Variants in ZBTB4 observed in about 807,000 individuals in gnomAD.
The protein encoded by ZBTB4 is zinc finger and BTB domain-containing protein 4.
A neutral mutation model predicts 59.8 loss-of-function variants in ZBTB4; 14 were observed. The observed-to-expected ratio is 0.23, with a 90% CI of 0.15 to 0.37. The LOEUF is 0.37. ZBTB4 is among the 10% of genes least tolerant of loss of function. The pLI is 1.00. For synonymous variants in ZBTB4, 587 were observed against 575.2 expected (o/e 1.02, Z -0.29); for missense variants, 1,198 against 1,380.8 (o/e 0.87, Z 2.10).
upstream of ZBTB4, chr17:7,483,019 C>T (rs372053590): frequency 4.0e-5 from 65 of 1,611,710 alleles, 1 homozygote; most frequent in South Asian, 5.3e-4. Flanking sequence ...CTTGGGAGCC[C>T]GGGGGTTGGG....
rs762883050 is a variant in ZBTB4 at position 7,463,645 on chromosome 17, G to C, written c.1337C>G (p.Pro446Arg). The C allele has an allele frequency of 6.2e-7, 1 of 1,612,188 alleles. No individual in the cohort carries two copies. Among genetic ancestry groups the C allele is most frequent in the Non-Finnish European group, 8.5e-7 (1 of 1,179,186 alleles). Residue 446 changes from proline to arginine, a missense_variant, in exon 4 of 4, where the codon CCG (proline) becomes CGG (arginine). Pro to Arg is a moderately radical substitution (Grantham distance 103, BLOSUM62 -2). Around this residue, in one of 9 missense-constraint regions of ZBTB4, gnomAD observed 550 missense variants for 541.8 expected, o/e 1.02. Coordinates refer to ENST00000380599, the MANE Select transcript of ZBTB4 (RefSeq NM_001128833.2). ...EAPLSPTLNT[P>R]APVAMPASPP... The stretch of plus-strand genomic sequence containing the variant: ...GCTGGCTGGCATTGCCACAGGGGCC[G>C]GTGTGTTGAGGGTTGGAGAAAGGGG...
Position 7,463,400 on chromosome 17 carries a change from CAG to C in ZBTB4, c.1580_1581del (p.Pro527ArgfsTer95). The C allele has an allele frequency of 6.3e-7, 1 of 1,588,296 alleles. No individual in the cohort carries two copies. The highest frequency in any genetic ancestry group is 8.6e-7 in the Non-Finnish European group (1 of 1,167,608). On this transcript the variant is annotated frameshift_variant, in exon 4 of 4. Transcript: ENST00000380599. LOFTEE classifies it high-confidence loss of function. ...GGGCTGGTGGGTGTGGCTGCAGGCTCAGGGGGAGGAGGTGGGTATTCTCGTTT... is the reference window on the plus strand; with the variant it reads ...GGGCTGGTGGGTGTGGCTGCAGGCTCGGGGAGGAGGTGGGTATTCTCGTTT... Reference protein sequence around the residue: ...PKKREYPPPPPEPAATPTSPA... With the variant: ...PKKREYPPPPXEPAATPTSPA...
upstream of ZBTB4, chr17:7,482,121 G>A (rs2070352239): frequency 6.2e-7 from 1 of 1,614,180 alleles, no homozygotes; most frequent in African/African-American, 1.3e-5. Flanking sequence ...GCCCTGCTGG[G>A]TGGGGGCCTG....
Position 7,466,529 on chromosome 17 carries a change from G to GGAA in ZBTB4, c.270_272dup (p.Ser100dup). On this transcript the variant is annotated inframe_insertion, in exon 3 of 4. Transcript: ENST00000380599. This position sits in a 1 kb window ranked among gnomAD's most constrained non-coding sequence, Gnocchi z 9.1. ...AGGAGGAAGAAGAGGAAGAAGACGA[G>GGAA]GAAGAGGAGGAGGAGGAAGAGGCAG... 1 of 1,611,838 alleles carries GGAA rather than the reference G, an allele frequency of 6.2e-7. No homozygotes were observed. Among genetic ancestry groups the GGAA allele is most frequent in the Non-Finnish European group, 8.5e-7 (1 of 1,179,018 alleles).
chr17:7,465,038 C>T (rs1290127682), intron 3 of ZBTB4, among the ~76,000 whole-genome samples: 1 of 150,964 alleles, frequency 6.6e-6, no homozygotes, highest in Non-Finnish European at 1.5e-5. Context: ...CGCCTGTAGT[C>T]CCAGCTACTC....
chr17:7,475,963 T>C (rs2150864570), intron 1 of ZBTB4, among the ~76,000 whole-genome samples: 1 of 152,280 alleles, frequency 6.6e-6, no homozygotes, highest in Non-Finnish European at 1.5e-5. Flanking sequence ...TGCTAAGTGC[T>C]AAATGTGTCA....
In ZBTB4 at chr17:7,460,399, G is replaced by C. The variant is rs1298105743; in HGVS notation, c.*1541C>G. 1 of 152,640 alleles carries C rather than the reference G, an allele frequency of 6.6e-6. No homozygotes were observed. Among genetic ancestry groups the C allele is most frequent in the East Asian group, 1.9e-4 (1 of 5,202 alleles). 9.5% of individuals were successfully genotyped at this position (152,640 alleles called of 1,614,324 possible). A position where few individuals can be genotyped will look rare whatever the true frequency, so the allele number is the denominator to read the frequency against. Reference sequence around the variant, plus strand: ...AAGCCATGATCTTGCCCTTGGCAGTGATTGCTGCTAGGGCAGCCATCTTGG... The same window carrying C: ...AAGCCATGATCTTGCCCTTGGCAGTCATTGCTGCTAGGGCAGCCATCTTGG... On this transcript the variant is annotated 3_prime_UTR_variant, in exon 4 of 4. Coordinates refer to ENST00000380599, the MANE Select transcript of ZBTB4 (RefSeq NM_001128833.2).
At position 7,476,208 on chromosome 17, in the gene ZBTB4, A is replaced by G. The variant is rs564800613; in HGVS notation, c.-81+3248T>C. ...TCAACGTCCCTAACCACAGTTCAGG[A>G]CTATCACTCCTGGGCTCAAAACCTC... On this transcript the variant is annotated intron_variant, in intron 1 of 3. Transcript: ENST00000380599. Among the ~76,000 whole-genome samples, 13 of 152,264 alleles carry G rather than the reference A, an allele frequency of 8.5e-5. No individual in the cohort carries two copies. The South Asian group carries it at 2.7e-3, about 32-fold the overall frequency.
At chr17:7,465,155 C>CA (rs1248932908) in intron 3 of ZBTB4, among the ~76,000 whole-genome samples, 4,414 of 51,828 alleles carry the variant, frequency 0.085, 312 homozygotes, top group Non-Finnish European at 0.11. Context: ...GACTCTGTCT[C>CA]AAAAAAAAAA....
Position 7,462,660 on chromosome 17 carries a change from G to A in ZBTB4, c.2322C>T (p.Cys774=). ...RFTCPHCAKV[C]KTAAALSRHG... is the part of the protein sequence containing the mutation. The stretch of plus-strand genomic sequence containing the variant: ...GGCGGCTCAGGGCAGCTGCGGTCTT[G>A]CACACCTTGGCGCAGTGGGGGCAGG... Residue 774 remains cysteine, a synonymous_variant, in exon 4 of 4, where the codon TGC becomes TGT. Coordinates refer to ENST00000380599, the MANE Select transcript of ZBTB4 (RefSeq NM_001128833.2). The surrounding 1 kb of genome is among the most constrained non-coding windows in gnomAD (Gnocchi z 7.5). The A allele has an allele frequency of 2.5e-6, 4 of 1,607,622 alleles. No individual in the cohort carries two copies. The highest frequency in any genetic ancestry group is 3.4e-6 in the Non-Finnish European group (4 of 1,178,946).
intron 1 of ZBTB4, among the ~76,000 whole-genome samples, 168 bp from the exon 2 acceptor site, chr17:7,467,495 GTTAT>G (rs941340772): frequency 4.6e-5 from 7 of 152,170 alleles, no homozygotes; most frequent in Non-Finnish European, 7.3e-5. Context: ...CCTCTGCCAG[GTTAT>G]TTGTTTAGCT....
rs897838423 is a variant in ZBTB4, at chr17:7,466,824, G to A, written c.-9-14C>T. Reference sequence around the variant, plus strand: ...CATGGTGCCAGCCTAGACAGTGGGAGAAGAGGCCGGGTAGAGTCTCAGAGG... The same window carrying A: ...CATGGTGCCAGCCTAGACAGTGGGAAAAGAGGCCGGGTAGAGTCTCAGAGG... On this transcript the variant is annotated splice_polypyrimidine_tract_variant and intron_variant, in intron 2 of 3. Transcript: ENST00000380599. This position sits in a 1 kb window ranked among gnomAD's most constrained non-coding sequence, Gnocchi z 9.1. 6.6e-7 allele frequency: 1 copy of A among 1,521,170 alleles called. No individual in the cohort carries two copies. Among genetic ancestry groups the A allele is most frequent in the Non-Finnish European group, 8.8e-7 (1 of 1,135,600 alleles). The allele number at this position is 1,521,170 out of a possible 1,614,324, so 94.2% of individuals were successfully genotyped here. A position where few individuals can be genotyped will look rare whatever the true frequency, so the allele number is the denominator to read the frequency against.
Position 7,466,901 on chromosome 17 carries a change from T to A in ZBTB4, c.-9-91A>T, listed in dbSNP as rs1375991500. 1 of 1,434,696 alleles carries A rather than the reference T, an allele frequency of 7.0e-7. No homozygotes were observed. Among genetic ancestry groups the A allele is most frequent in the Non-Finnish European group, 9.1e-7 (1 of 1,097,404 alleles). The allele number at this position is 1,434,696 out of a possible 1,614,324, so 88.9% of individuals were successfully genotyped here. A position where few individuals can be genotyped will look rare whatever the true frequency, so the allele number is the denominator to read the frequency against. ...ATCAGGCAGAGAGAGGATCAGGAGC[T>A]GCTGGTCAGAAACTAGTGGAAGGCT... is the stretch of plus-strand genomic sequence containing the variant. On this transcript the variant is annotated intron_variant, in intron 2 of 3. Transcript: ENST00000380599. The surrounding 1 kb of genome is among the most constrained non-coding windows in gnomAD (Gnocchi z 9.1).
At chr17:7,469,754 G>C (rs146753893) in intron 1 of ZBTB4, among the ~76,000 whole-genome samples, 25 of 148,868 alleles carry the variant, frequency 1.7e-4, no homozygotes, top group African/African-American at 5.9e-4. Flanking sequence ...CTGGGTGACA[G>C]AGTGAGACTC....
intron 3 of ZBTB4, among the ~76,000 whole-genome samples, chr17:7,465,008 T>G (rs1416723059): frequency 6.8e-6 from 1 of 146,108 alleles, no homozygotes; most frequent in African/African-American, 2.6e-5. Context: ...TACAAAAAAT[T>G]AGCCGGGCGT....
chr17:7,478,140 C>G (rs2070294842), intron 1 of ZBTB4, among the ~76,000 whole-genome samples: 1 of 152,168 alleles, frequency 6.6e-6, no homozygotes, highest in Non-Finnish European at 1.5e-5. Context: ...CCACCTCCCT[C>G]CCCACATGTG....
chr17:7,483,979 A>ACCCCC (rs2070380263), upstream of ZBTB4: 1 of 151,302 alleles, frequency 6.6e-6, no homozygotes. Context: ...CCCCGGGAGG[A>ACCCCC]CCCGCCCCGC....
At chr17:7,465,153 CT>C (rs1301231160) in intron 3 of ZBTB4, among the ~76,000 whole-genome samples, 4 of 112,728 alleles carry the variant, frequency 3.5e-5, no homozygotes, top group Non-Finnish European at 7.0e-5. Context: ...GAGACTCTGT[CT>C]CAAAAAAAAA....
rs565524533 is a variant in ZBTB4, at chr17:7,462,335, C to T, written c.2647G>A (p.Gly883Ser). The change falls in exon 4 of 4, where the codon GGC becomes AGC. Residue 883 changes from glycine (G) to serine (S), a missense_variant. Coordinates refer to ENST00000380599, the MANE Select transcript of ZBTB4 (RefSeq NM_001128833.2). The surrounding 1 kb of genome is among the most constrained non-coding windows in gnomAD (Gnocchi z 7.5). ...CCCCTGCCACCGCCAGGTTCCCGGC[C>T]GCCCCCAATCAAGGCCAGTGGAAAT... Reference protein sequence around the residue: ...QEFPLALIGGGREPGGGRGKS... With the variant: ...QEFPLALIGGSREPGGGRGKS... The T allele has an allele frequency of 1.2e-5, 19 of 1,613,868 alleles. No individual in the cohort carries two copies. In the East Asian group the frequency reaches 2.7e-4, roughly 23 times the overall value.
Sources: allele counts gnomAD v4.1 joint callset (sites outside exome capture counted in the v4.1 genomes callset), GRCh38; gene constraint gnomAD v4.1.1; regional missense constraint gnomAD v4.1.1; non-coding constraint Gnocchi (gnomAD v3.1); transcripts MANE v1.5; gene names NCBI Gene and HGNC (gene_info 2026-07-23, HGNC 2026-07-21).